Variants in MAEL observed in about 807,000 individuals in gnomAD.
MAEL encodes the protein protein maelstrom homolog.
Under a neutral mutation model 62.0 loss-of-function variants are expected in MAEL, and 46 were observed. The observed-to-expected ratio is 0.74, with a 90% confidence interval of 0.59 to 0.95. MAEL has a LOEUF of 0.95. MAEL is among the 40% of genes least tolerant of loss of function. The probability of loss-of-function intolerance (pLI) is 0.00; values close to 1 mark genes in which losing one functional copy is unlikely to be tolerated. For missense variants in MAEL, 497 were observed against 526.8 expected (o/e 0.94, Z 0.55); for synonymous variants, 172 against 175.5 (o/e 0.98, Z 0.16).
chr1:167,001,742 T>C (rs891894260), intron 5 of MAEL, among the ~76,000 whole-genome samples: 7 of 152,172 alleles, frequency 4.6e-5, no homozygotes, highest in Non-Finnish European at 1.0e-4. Flanking sequence ...AATGAATGCT[T>C]TTTCTGCATG....
At chr1:167,003,614 T>G (rs1462235251) in intron 5 of MAEL, among the ~76,000 whole-genome samples, 1 of 152,212 alleles carries the variant, frequency 6.6e-6, no homozygotes, top group African/African-American at 2.4e-5. Context: ...AGGAAAAACT[T>G]CCCTAAAGCT....
At chr1:166,999,387 G>A (rs1387845862) in intron 5 of MAEL, among the ~76,000 whole-genome samples, 1 of 152,156 alleles carries the variant, frequency 6.6e-6, no homozygotes, top group Non-Finnish European at 1.5e-5. Context: ...ACATTCTCCA[G>A]TTACCACATT....
intron 5 of MAEL, among the ~76,000 whole-genome samples, chr1:166,996,111 G>T (rs1306500789): frequency 6.6e-6 from 1 of 152,116 alleles, no homozygotes; most frequent in Non-Finnish European, 1.5e-5. Context: ...AATTAAATAA[G>T]ATAAAAATGA....
intron 5 of MAEL, among the ~76,000 whole-genome samples, chr1:167,001,716 A>G (rs1258016034): frequency 1.3e-5 from 2 of 152,220 alleles, no homozygotes; most frequent in Non-Finnish European, 2.9e-5. Flanking sequence ...CTAGGGAGAT[A>G]GCAGTTGCAC....
upstream of MAEL, among the ~76,000 whole-genome samples, chr1:166,988,712 T>A (rs1051803913): frequency 8.5e-5 from 13 of 152,204 alleles, no homozygotes; most frequent in Non-Finnish European, 1.9e-4. Context: ...GGAATAAAAT[T>A]GACAAAAAGG....
chr1:166,991,501 G>A (rs769199905), intron 3 of MAEL, 24 bp downstream of exon 3: 3 of 1,486,832 alleles, frequency 2.0e-6, no homozygotes, highest in East Asian at 4.5e-5. Context: ...GAAATATTTT[G>A]CTGAGATAAA....
intron 11 of MAEL, 35 bp from the exon 12 acceptor site, chr1:167,021,633 G>T: frequency 7.0e-7 from 1 of 1,430,486 alleles, no homozygotes; most frequent in Non-Finnish European, 9.5e-7. Flanking sequence ...TTATAAAATT[G>T]CTATATCTCT....
intron 5 of MAEL, among the ~76,000 whole-genome samples, chr1:166,995,197 G>T (rs934779655): frequency 2.0e-5 from 3 of 151,850 alleles, no homozygotes; most frequent in Non-Finnish European, 2.9e-5. Flanking sequence ...AGGGCTGTAG[G>T]CTATGGAATA....
chr1:167,004,374 T>C (rs1664801538), intron 6 of MAEL, 70 bp downstream of exon 6: 3 of 1,427,524 alleles, frequency 2.1e-6, no homozygotes, highest in African/African-American at 1.4e-5. Flanking sequence ...AAACAAAGAA[T>C]TTTTGCCTGT....
At chr1:166,977,803 T>C (rs1008459339) in intron 1 of MAEL, among the ~76,000 whole-genome samples, 2 of 132,694 alleles carry the variant, frequency 1.5e-5, no homozygotes, top group African/African-American at 6.9e-5. Flanking sequence ...AATACAAAAA[T>C]TGCCAGGCGT....
intron 3 of MAEL, among the ~76,000 whole-genome samples, chr1:166,992,351 A>G (rs1489129259): frequency 6.6e-6 from 1 of 152,154 alleles, no homozygotes; most frequent in East Asian, 1.9e-4. Flanking sequence ...TCCCAGACCT[A>G]TATATTTGTT....
intron 5 of MAEL, among the ~76,000 whole-genome samples, chr1:167,002,728 T>A (rs1235978831): frequency 6.6e-6 from 1 of 152,104 alleles, no homozygotes; most frequent in South Asian, 2.1e-4. Context: ...ATTAGTAAAA[T>A]TTACAGTTGA....
At position 167,021,742 on chromosome 1, in the gene MAEL, G is replaced by A; in HGVS notation, c.1192G>A (p.Glu398Lys). Residue 398 changes from glutamate to lysine, a missense_variant, in exon 12 of 12, where the codon GAG becomes AAG. By Grantham distance (56) the Glu-to-Lys change is moderately conservative (BLOSUM62 1). Transcript: ENST00000367872. Reference sequence around the variant, plus strand: ...GGGAAGAGGAATTACCCGCTTACTAGAGAGCATTTCCAATTCTTCCAGCAA... The same window carrying A: ...GGGAAGAGGAATTACCCGCTTACTAAAGAGCATTTCCAATTCTTCCAGCAA... Reference protein sequence around the residue: ...VRGRGITRLLESISNSSSNIH... With the variant: ...VRGRGITRLLKSISNSSSNIH... 6.2e-7 allele frequency: 1 copy of A among 1,613,518 alleles called. No homozygotes were observed. Among genetic ancestry groups the A allele is most frequent in the Non-Finnish European group, 8.5e-7 (1 of 1,179,730 alleles).
Position 166,991,392 on chromosome 1 carries a change from A to G in MAEL, c.240A>G (p.Thr80=), listed in dbSNP as rs146003706. 5.3e-5 allele frequency: 86 copies of G among 1,611,470 alleles called. No homozygotes were observed. In the African/African-American group the frequency reaches 9.5e-4, roughly 18 times the overall value. The change falls in exon 3 of 12, where the codon ACA becomes ACG. Residue 80 remains threonine, a synonymous_variant. Coordinates refer to ENST00000367872, the MANE Select transcript of MAEL (RefSeq NM_032858.3). ...GPSEKQKPVF[T]PLRRPGMLVP... ...TTCCTCTTTAGAAACCTGTTTTCAC[A>G]CCACTGAGGAGGCCAGGCATGCTTG...
chr1:166,991,766 A>C (rs1664184513), intron 3 of MAEL, among the ~76,000 whole-genome samples: 1 of 152,144 alleles, frequency 6.6e-6, no homozygotes, highest in Admixed American at 6.5e-5. Flanking sequence ...AAATATACTT[A>C]AGTTAAAAAC....
chr1:166,992,912 A>G (rs1664255987), intron 4 of MAEL, 71 bp downstream of exon 4: 9 of 1,251,820 alleles, frequency 7.2e-6, no homozygotes, highest in Middle Eastern at 3.9e-4. Flanking sequence ...ACTTTATTTG[A>G]TAATAGTACT....
intron 1 of MAEL, among the ~76,000 whole-genome samples, chr1:166,976,779 CA>C (rs1374354762): frequency 6.6e-6 from 1 of 152,142 alleles, no homozygotes; most frequent in African/African-American, 2.4e-5. Context: ...TGTACACAGA[CA>C]GGGAGAATAT....
At chr1:166,981,415 G>A (rs545392367) in intron 1 of MAEL, among the ~76,000 whole-genome samples, 2 of 152,086 alleles carry the variant, frequency 1.3e-5, no homozygotes, top group East Asian at 1.9e-4. Context: ...AATTAAAAAC[G>A]AATATGAATT....
At chr1:166,984,282 C>A (rs1166930999), upstream of MAEL, among the ~76,000 whole-genome samples, 1 of 152,202 alleles carries the variant, frequency 6.6e-6, no homozygotes, top group African/African-American at 2.4e-5. Flanking sequence ...TTGCCATCAT[C>A]ACCCACATGG....
Sources: allele counts gnomAD v4.1 joint callset (sites outside exome capture counted in the v4.1 genomes callset), GRCh38; gene constraint gnomAD v4.1.1; transcripts MANE v1.5; gene names NCBI Gene and HGNC (gene_info 2026-07-23, HGNC 2026-07-21).